The following SORL1 variants were observed in gnomAD, a reference collection of about 807,000 sequenced individuals.
SORL1 encodes the protein sortilin-related receptor.
A neutral mutation model predicts 273.7 loss-of-function variants in SORL1; 127 were observed. The observed-to-expected ratio is 0.46, with a 90% CI of 0.40 to 0.54. The LOEUF is 0.54. Among genes scored for constraint, SORL1 ranks in the 20% least tolerant of loss-of-function variants. The pLI, the probability that SORL1 is intolerant of heterozygous loss-of-function variation, is 0.00. For missense variants in SORL1, 2,494 were observed against 2,846.1 expected, an observed-to-expected ratio of 0.88 and a Z score of 2.81; for synonymous variants, 1,031 against 1,067.4, an observed-to-expected ratio of 0.97 and a Z score of 0.66.
Position 121,550,673 on chromosome 11 carries a change from A to G in SORL1, c.2266+3A>G. On this transcript the variant is annotated splice_donor_region_variant and intron_variant, in intron 16 of 47. Transcript: ENST00000260197. The surrounding 1 kb of genome is among the most constrained non-coding windows in gnomAD (Gnocchi z 5.3). ...GCTGGTCCCCTGTCCCCTGGCAGGT[A>G]AGAGAGGTGGTTTCTTCCCTTTCAT... The G allele has an allele frequency of 1.2e-6, 2 of 1,610,816 alleles. No individual in the cohort carries two copies. Among genetic ancestry groups the G allele is most frequent in the Non-Finnish European group, 1.7e-6 (2 of 1,177,078 alleles).
chr11:121,591,290 T>A, intron 31 of SORL1, 134 bp downstream of exon 31: 1 of 839,806 alleles, frequency 1.2e-6, no homozygotes, highest in Non-Finnish European at 1.9e-6. Context: ...CCAGGTTGCC[T>A]GTTACTAATG....
intron 25 of SORL1, among the ~76,000 whole-genome samples, chr11:121,578,028 G>A (rs970203960): frequency 1.3e-5 from 2 of 152,138 alleles, no homozygotes; most frequent in Non-Finnish European, 2.9e-5. Context: ...GAAGCTTGTG[G>A]AGAAATGAAA....
chr11:121,607,164 A>T (rs758165032), intron 36 of SORL1, 22 bp from the exon 37 acceptor site: 11 of 1,464,764 alleles, frequency 7.5e-6, no homozygotes, highest in Non-Finnish European at 1.1e-5. Flanking sequence ...CTTTACTCAC[A>T]TTTTTTTTCT....
chr11:121,466,684 A>G (rs1479565184), intron 1 of SORL1, among the ~76,000 whole-genome samples: 1 of 152,116 alleles, frequency 6.6e-6, no homozygotes, highest in African/African-American at 2.4e-5. Flanking sequence ...GCGCGCATCC[A>G]TTCCTGATTC....
intron 40 of SORL1, among the ~76,000 whole-genome samples, chr11:121,614,106 C>T (rs531800566): frequency 1.4e-4 from 22 of 152,222 alleles, no homozygotes; most frequent in Non-Finnish European, 2.2e-4. Context: ...GCGTAACCTC[C>T]CCCTTCTCAC....
chr11:121,545,248 C>T lies in SORL1; in HGVS notation c.1870C>T (p.Pro624Ser). 1.9e-6 allele frequency: 3 copies of T among 1,614,076 alleles called. No homozygotes were observed. ...QVNATDALGV[P>S]CTENDYKLWS... The stretch of plus-strand genomic sequence containing the variant: ...CTGTGTTCCTTTTTCTTTAGGAGTT[C>T]CCTGCACAGAGAATGACTACAAGCT... Residue 624 changes from proline (P) to serine (S), a missense_variant, in exon 14 of 48, where the codon CCC becomes TCC. By Grantham distance (74) the Pro-to-Ser change is moderately conservative (BLOSUM62 -1). Coordinates refer to ENST00000260197, the MANE Select transcript of SORL1 (RefSeq NM_003105.6).
Position 121,520,750 on chromosome 11 carries a change from G to A in SORL1, c.1305G>A (p.Glu435=), listed in dbSNP as rs1862028751. ...IATLINGSMN[E]ENMRSVITFD... ...CTCTGATTAATGGTTCTATGAATGA[G>A]GAGAACATGAGATCGGTCATCACCT... The change falls in exon 9 of 48, where the codon GAG becomes GAA. Residue 435 remains glutamate (E), a synonymous_variant. Transcript: ENST00000260197. 2 of 1,612,810 alleles carry A rather than the reference G, an allele frequency of 1.2e-6. No individual in the cohort carries two copies. Among genetic ancestry groups the A allele is most frequent in the African/African-American group, 2.7e-5 (2 of 74,998 alleles).
In SORL1 at chr11:121,478,232, G is replaced by C; in HGVS notation, c.517G>C (p.Asp173His). The change falls in exon 3 of 48, where the codon GAC becomes CAC. Residue 173 changes from aspartate to histidine, a missense_variant. Coordinates refer to ENST00000260197, the MANE Select transcript of SORL1 (RefSeq NM_003105.6). The stretch of plus-strand genomic sequence containing the variant: ...CGCCCAGTTCTACCACAGCCCTGCG[G>C]ACAACAAGCGGGTAAGGAAGTGGCC... ...VIAQFYHSPA[D>H]NKRYIFADAY... is the part of the protein sequence containing the mutation. The C allele has an allele frequency of 6.2e-7, 1 of 1,614,024 alleles. No homozygotes were observed. The highest frequency in any genetic ancestry group is 2.2e-5 in the East Asian group (1 of 44,880).
At chr11:121,457,409 A>G (rs1334534193) in intron 1 of SORL1, among the ~76,000 whole-genome samples, 2 of 152,146 alleles carry the variant, frequency 1.3e-5, no homozygotes, top group Non-Finnish European at 2.9e-5. Context: ...GTTGTTATCA[A>G]TATTTTTGTA....
chr11:121,457,554 A>G (rs551212508), intron 1 of SORL1, among the ~76,000 whole-genome samples: 1 of 152,370 alleles, frequency 6.6e-6, no homozygotes, highest in South Asian at 2.1e-4. Flanking sequence ...TCTAAATTAT[A>G]TTTGTGATAT....
Position 121,555,299 on chromosome 11 carries a change from C to G in SORL1, c.2552C>G (p.Ala851Gly). Residue 851 changes from alanine (A) to glycine (G), a missense_variant, in exon 18 of 48, where the codon GCA (alanine) becomes GGA (glycine). This residue lies in a region of SORL1 where 1,609 missense variants were observed against 1,816.4 expected (regional missense o/e 0.89). Coordinates refer to ENST00000260197, the MANE Select transcript of SORL1 (RefSeq NM_003105.6). ...AGCCAGCTGCTTTACTGGGTAGATGCAGGCTTCAAAAAGATTGAGGTATGT... is the reference window on the plus strand; with the variant it reads ...AGCCAGCTGCTTTACTGGGTAGATGGAGGCTTCAAAAAGATTGAGGTATGT... ...PLSQLLYWVD[A>G]GFKKIEVANP... 6.2e-7 allele frequency: 1 copy of G among 1,613,848 alleles called. No homozygotes were observed. The highest frequency in any genetic ancestry group is 8.5e-7 in the Non-Finnish European group (1 of 1,179,802).
Position 121,553,958 on chromosome 11 carries a change from A to G in SORL1, c.2288A>G (p.Tyr763Cys). 2 of 1,614,028 alleles carry G rather than the reference A, an allele frequency of 1.2e-6. No homozygotes were observed. The highest frequency in any genetic ancestry group is 1.7e-6 in the Non-Finnish European group (2 of 1,179,938). Residue 763 changes from tyrosine (Y) to cysteine (C), a missense_variant, in exon 17 of 48, where the codon TAT becomes TGT. Tyr to Cys is a radical substitution (Grantham distance 194). This residue lies in a region of SORL1 where 710 missense variants were observed against 882.5 expected (regional missense o/e 0.80). Transcript: ENST00000260197. ...PLAEENEFIL[Y>C]AVRKSIYRYD... ...GCAGAAGAGAACGAGTTCATTCTGT[A>G]TGCTGTGAGGAAATCCATCTACCGC...
In SORL1 at chr11:121,621,049, C is replaced by CT. The variant is rs770651839; in HGVS notation, c.5890-9dup. On this transcript the variant is annotated splice_polypyrimidine_tract_variant and intron_variant, in intron 43 of 47. Transcript: ENST00000260197. ...ACTTTCTGATTATCATTCACTTGTT[C>CT]TTTTTTGGTCCTAGTTGTATGCAGT... is the stretch of plus-strand genomic sequence containing the variant. 4.4e-4 allele frequency: 688 copies of CT among 1,569,760 alleles called. 2 individuals are homozygous for CT. Among genetic ancestry groups the CT allele is most frequent in the Non-Finnish European group, 5.4e-4 (622 of 1,148,780 alleles).
At chr11:121,556,428 C>G (rs1243466660) in intron 18 of SORL1, among the ~76,000 whole-genome samples, 5 of 152,044 alleles carry the variant, frequency 3.3e-5, no homozygotes, top group African/African-American at 1.2e-4. Context: ...GATCTTTTGT[C>G]CACCTCCTGG....
intron 41 of SORL1, among the ~76,000 whole-genome samples, chr11:121,616,622 T>C (rs1863645993): frequency 6.6e-6 from 1 of 152,230 alleles, no homozygotes; most frequent in South Asian, 2.1e-4. Flanking sequence ...TTGGGACCCC[T>C]TTGAGTCCCT....
chr11:121,624,999 G>A (rs1863774093), intron 45 of SORL1, 86 bp from the exon 46 acceptor site: 3 of 960,710 alleles, frequency 3.1e-6, no homozygotes, highest in South Asian at 1.7e-5. Context: ...CCCACAGTGA[G>A]GAGCTCACAT....
chr11:121,574,308 C>G lies in SORL1; in HGVS notation c.3405C>G (p.Ser1135=). Residue 1135 remains serine, a synonymous_variant, in exon 24 of 48, where the codon TCC becomes TCG. Transcript: ENST00000260197. ...CQESGTCIPL[S]YKCDLEDDCG... The stretch of plus-strand genomic sequence containing the variant: ...AGTCTGGGACTTGTATCCCACTGTC[C>G]TATAAATGTGACCTTGAGGATGACT... 6.2e-7 allele frequency: 1 copy of G among 1,613,668 alleles called. No individual in the cohort carries two copies. The highest frequency in any genetic ancestry group is 8.5e-7 in the Non-Finnish European group (1 of 1,179,578).
intron 25 of SORL1, among the ~76,000 whole-genome samples, chr11:121,582,329 A>C (rs1206644935): frequency 6.6e-6 from 1 of 152,198 alleles, no homozygotes; most frequent in Non-Finnish European, 1.5e-5. Flanking sequence ...GCTCTCAGCA[A>C]CCCACTTCTG....
intron 6 of SORL1, among the ~76,000 whole-genome samples, chr11:121,500,156 C>T (rs1314227737): frequency 1.3e-5 from 2 of 152,202 alleles, no homozygotes; most frequent in African/African-American, 2.4e-5. Context: ...TGAGGTTCCT[C>T]TGTGATTTGT....
Sources: allele counts gnomAD v4.1 joint callset (sites outside exome capture counted in the v4.1 genomes callset), GRCh38; gene constraint gnomAD v4.1.1; regional missense constraint gnomAD v4.1.1; non-coding constraint Gnocchi (gnomAD v3.1); transcripts MANE v1.5; gene names NCBI Gene and HGNC (gene_info 2026-07-23, HGNC 2026-07-21).